CBFA2T3: variants seen among roughly 807,000 people sequenced by gnomAD.
CBFA2T3 encodes the protein CBFA2/RUNX1 partner transcriptional co-repressor 3, also known as transcriptional corepressor CBFA2T3.
Under a neutral mutation model 58.6 loss-of-function variants are expected in CBFA2T3, and 31 were observed. That is an observed-to-expected ratio of 0.53 (90% confidence interval 0.40 to 0.71). The LOEUF (loss-of-function observed/expected upper bound fraction) is 0.71. CBFA2T3 is among the 30% of genes least tolerant of loss of function. The pLI is 0.00. For missense variants in CBFA2T3, 1,076 were observed against 963.1 expected (o/e 1.12, Z -1.55); for synonymous variants, 531 against 421.9 (o/e 1.26, Z -3.17).
At chr16:88,971,564 C>T (rs1046788858) in intron 1 of CBFA2T3, among the ~76,000 whole-genome samples, 6 of 152,122 alleles carry the variant, frequency 3.9e-5, no homozygotes, top group Non-Finnish European at 5.9e-5. Context: ...GGCCTGGGAG[C>T]GGCCGTCCTG....
chr16:88,923,607 G>T (rs1297334990), intron 1 of CBFA2T3, among the ~76,000 whole-genome samples: 1 of 152,258 alleles, frequency 6.6e-6, no homozygotes, highest in Non-Finnish European at 1.5e-5. Flanking sequence ...TTGTGAAGGG[G>T]CTGCAGGCTC....
intron 1 of CBFA2T3, among the ~76,000 whole-genome samples, chr16:88,926,743 G>A (rs73254301): frequency 0.017 from 2,622 of 152,336 alleles, 84 homozygotes; most frequent in African/African-American, 0.06. Context: ...AAGACGGGAC[G>A]GAGGTGTTCA....
chr16:88,964,023 C>T (rs1362990133), intron 1 of CBFA2T3, among the ~76,000 whole-genome samples: 1 of 152,232 alleles, frequency 6.6e-6, no homozygotes, highest in African/African-American at 2.4e-5. Context: ...GAGCTCCCAG[C>T]CCTGCACCTG....
At chr16:88,942,006 C>A (rs958067065) in intron 1 of CBFA2T3, among the ~76,000 whole-genome samples, 1 of 151,822 alleles carries the variant, frequency 6.6e-6, no homozygotes, top group African/African-American at 2.4e-5. Flanking sequence ...CGCGCTCCCC[C>A]CGCTCAGCCT....
At chr16:88,908,495 T>C (rs1200200958) in intron 1 of CBFA2T3, among the ~76,000 whole-genome samples, 1 of 152,196 alleles carries the variant, frequency 6.6e-6, no homozygotes, top group Non-Finnish European at 1.5e-5. Flanking sequence ...CTTTGCAGGT[T>C]GGGCAGAGCC....
chr16:88,897,949 G>C, intron 3 of CBFA2T3, 129 bp downstream of exon 3: 1 of 723,640 alleles, frequency 1.4e-6, no homozygotes, highest in Admixed American at 2.1e-5. Context: ...CAACACAACA[G>C]AGGCAATGCT....
Position 88,875,554 on chromosome 16 carries a change from C to G in CBFA2T3, c.*1422G>C, listed in dbSNP as rs1053908651. ...AAAAGTTTGGAAGAAAGGGGAGTAG[C>G]TGCGGTGGGGCGATGGGGCCGAGAG... On this transcript the variant is annotated 3_prime_UTR_variant, in exon 12 of 12. Coordinates refer to ENST00000268679, the MANE Select transcript of CBFA2T3 (RefSeq NM_005187.6). 3 of 233,488 alleles carry G rather than the reference C, an allele frequency of 1.3e-5. No individual in the cohort carries two copies. Among genetic ancestry groups the G allele is most frequent in the Non-Finnish European group, 2.5e-5 (3 of 118,306 alleles). The allele number at this position is 233,488 out of a possible 1,614,324, so 14.5% of individuals were successfully genotyped here. A position where few individuals can be genotyped will look rare whatever the true frequency, so the allele number is the denominator to read the frequency against.
chr16:88,913,844 C>T (rs139780471), intron 1 of CBFA2T3, among the ~76,000 whole-genome samples: 21 of 152,236 alleles, frequency 1.4e-4, no homozygotes, highest in East Asian at 1.2e-3. Context: ...AAAATCACAC[C>T]GTGGCCACCT....
chr16:88,934,767 T>A (rs1289028896), intron 1 of CBFA2T3, among the ~76,000 whole-genome samples: 3 of 151,536 alleles, frequency 2.0e-5, no homozygotes, highest in African/African-American at 7.3e-5. Flanking sequence ...GGAGACGGAG[T>A]CTCGCTCTGT....
chr16:88,914,916 A>T lies in CBFA2T3; in HGVS notation c.152-13260T>A, dbSNP rs747810162. ...CTGCTAGAGCTGCGCTGCCAACAGC[A>T]ACTCCCTGAGCGCCCTGGGGGAGGT... On this transcript the variant is annotated intron_variant, in intron 1 of 11. Transcript: ENST00000268679. Among the ~76,000 whole-genome samples, 212 of 152,118 alleles carry T rather than the reference A, an allele frequency of 1.4e-3. 1 individual carries two copies. Among genetic ancestry groups the T allele is most frequent in the Non-Finnish European group, 2.7e-3 (185 of 67,958 alleles).
rs1007283864 is a variant in CBFA2T3 at position 88,889,286 on chromosome 16, C to T, written c.711+2596G>A. 1.0e-3 allele frequency among the ~76,000 whole-genome samples: 134 copies of T among 131,512 alleles called. 1 individual carries two copies. Among genetic ancestry groups the T allele is most frequent in the African/African-American group, 3.4e-3 (118 of 34,682 alleles). The allele number at this position is 131,512 out of a possible 152,430, so 86.3% of individuals were successfully genotyped here. A position where few individuals can be genotyped will look rare whatever the true frequency, so the allele number is the denominator to read the frequency against. Reference sequence around the variant, plus strand: ...GGGCGTGGGAGGGGGCGGAGGAAGGCGGGAGGAGGGATGGAGCGATAGAGG... The same window carrying T: ...GGGCGTGGGAGGGGGCGGAGGAAGGTGGGAGGAGGGATGGAGCGATAGAGG... On this transcript the variant is annotated intron_variant, in intron 5 of 11. Coordinates refer to ENST00000268679, the MANE Select transcript of CBFA2T3 (RefSeq NM_005187.6).
At chr16:88,915,141 G>C (rs977375808) in intron 1 of CBFA2T3, among the ~76,000 whole-genome samples, 8 of 147,494 alleles carry the variant, frequency 5.4e-5, no homozygotes, top group Admixed American at 6.8e-5. Context: ...CCGAATTGCA[G>C]ACAAGCAAGC....
At chr16:88,967,110 A>C (rs898243767) in intron 1 of CBFA2T3, among the ~76,000 whole-genome samples, 56 of 126,284 alleles carry the variant, frequency 4.4e-4, no homozygotes, top group African/African-American at 5.8e-4. Context: ...GCCACCCCCA[A>C]CCCCCAACCC....
At position 88,962,715 on chromosome 16, in the gene CBFA2T3, G is replaced by A. The variant is rs181834038; in HGVS notation, c.151+13942C>T. 2.0e-3 allele frequency among the ~76,000 whole-genome samples: 299 copies of A among 152,348 alleles called. 1 individual carries two copies. The highest frequency in any genetic ancestry group is 6.5e-3 in the African/African-American group (271 of 41,582). On this transcript the variant is annotated intron_variant, in intron 1 of 11. Transcript: ENST00000268679. ...CAGCACCTCCTGTGGTCCTCACGGT[G>A]CTCGGCCCAGCCACGAACATGGGTG...
chr16:88,896,222 A>AC (rs1199502996), intron 3 of CBFA2T3, among the ~76,000 whole-genome samples: 1 of 152,078 alleles, frequency 6.6e-6, no homozygotes. Flanking sequence ...GACTTTCCCT[A>AC]CGGGGGGGCT....
intron 10 of CBFA2T3, 135 bp from the exon 11 acceptor site, chr16:88,879,595 G>T: frequency 1.3e-6 from 1 of 751,476 alleles, no homozygotes; most frequent in Non-Finnish European, 2.2e-6. Flanking sequence ...GCACACAAAG[G>T]CACATGTTGA....
At chr16:88,945,512 T>C (rs891124500) in intron 1 of CBFA2T3, among the ~76,000 whole-genome samples, 5 of 152,166 alleles carry the variant, frequency 3.3e-5, no homozygotes, top group African/African-American at 1.2e-4. Flanking sequence ...AAGATCTGAA[T>C]AGACACCTCA....
chr16:88,903,251 G>A (rs559259957), intron 1 of CBFA2T3, among the ~76,000 whole-genome samples: 3 of 152,314 alleles, frequency 2.0e-5, no homozygotes, highest in Middle Eastern at 3.4e-3. Context: ...TCTTGCCGCC[G>A]GCTCCTTTTA....
At chr16:88,915,865 G>A (rs894115871) in intron 1 of CBFA2T3, among the ~76,000 whole-genome samples, 3 of 151,940 alleles carry the variant, frequency 2.0e-5, no homozygotes, top group African/African-American at 7.3e-5. Flanking sequence ...GCCCTCTCTG[G>A]GCCACTCCCT....
Sources: allele counts gnomAD v4.1 joint callset (sites outside exome capture counted in the v4.1 genomes callset), GRCh38; gene constraint gnomAD v4.1.1; transcripts MANE v1.5; gene names NCBI Gene and HGNC (gene_info 2026-07-23, HGNC 2026-07-21).